The following SNCAIP variants were observed in gnomAD, a reference collection of about 807,000 sequenced individuals.
SNCAIP encodes synuclein alpha interacting protein, also known as synphilin-1.
A neutral mutation model predicts 86.7 loss-of-function variants in SNCAIP; 43 were observed. The observed-to-expected ratio is 0.50, with a 90% confidence interval of 0.39 to 0.64. The LOEUF is 0.64. SNCAIP is among the 30% of genes least tolerant of loss of function. The pLI is 0.00. For synonymous variants in SNCAIP, 417 were observed against 427.2 expected (o/e 0.98, Z 0.29); for missense variants, 981 against 1,103.1 (o/e 0.89, Z 1.57).
At chr5:122,398,340 G>A (rs887940012) in intron 2 of SNCAIP, among the ~76,000 whole-genome samples, 3 of 152,138 alleles carry the variant, frequency 2.0e-5, no homozygotes, top group African/African-American at 4.8e-5. Context: ...CAGTGGAGGA[G>A]CAGACTGTTA....
At chr5:122,366,913 C>T (rs1296429759) in intron 1 of SNCAIP, among the ~76,000 whole-genome samples, 2 of 152,080 alleles carry the variant, frequency 1.3e-5, no homozygotes, top group Non-Finnish European at 2.9e-5. Context: ...AATTTATTTG[C>T]CTTCGTCTTG....
chr5:122,433,230 C>T (rs1778761236), intron 6 of SNCAIP, among the ~76,000 whole-genome samples: 1 of 151,860 alleles, frequency 6.6e-6, no homozygotes, highest in Non-Finnish European at 1.5e-5. Context: ...AGGCACCACG[C>T]CATTGGATTT....
chr5:122,342,691 G>C (rs1361788331), intron 1 of SNCAIP, among the ~76,000 whole-genome samples: 1 of 152,166 alleles, frequency 6.6e-6, no homozygotes, highest in Non-Finnish European at 1.5e-5. Context: ...TTAAAGGCCC[G>C]AGTCTGGCTC....
intron 6 of SNCAIP, chr5:122,440,381 T>C (rs1406361941): frequency 4.2e-6 from 2 of 476,638 alleles, no homozygotes; most frequent in Admixed American, 3.3e-5. Context: ...ATCTATAGAA[T>C]AGATAAGTAA....
rs559571650 is a variant in SNCAIP, at chr5:122,363,940, A to C, written c.-46-27149A>C. 7.2e-5 allele frequency among the ~76,000 whole-genome samples: 11 copies of C among 152,154 alleles called. No individual in the cohort carries two copies. In the East Asian group the frequency reaches 1.9e-3, roughly 27 times the overall value. On this transcript the variant is annotated intron_variant, in intron 1 of 10. Transcript: ENST00000261368. ...TGGGTTCAAGCAATCCTCCTGCCTC[A>C]GCCTCCTAAGTAGCTGAGACTGCAG...
At chr5:122,397,585 G>A (rs1770891932) in intron 2 of SNCAIP, among the ~76,000 whole-genome samples, 3 of 152,106 alleles carry the variant, frequency 2.0e-5, no homozygotes, top group African/African-American at 7.2e-5. Context: ...TTTGAAAATA[G>A]GATTAGTTAT....
chr5:122,401,965 C>A (rs758971832), intron 2 of SNCAIP, among the ~76,000 whole-genome samples: 103 of 152,206 alleles, frequency 6.8e-4, no homozygotes, highest in Non-Finnish European at 1.2e-3. Flanking sequence ...GATAGCAGCT[C>A]ACCCATTTTA....
chr5:122,408,287 A>T (rs1347920485), intron 3 of SNCAIP, among the ~76,000 whole-genome samples: 1 of 152,186 alleles, frequency 6.6e-6, no homozygotes, highest in Non-Finnish European at 1.5e-5. Flanking sequence ...AGGGCCGTCC[A>T]TTCTGCCTGC....
chr5:122,314,001 C>A (rs1371090589), intron 1 of SNCAIP, among the ~76,000 whole-genome samples: 1 of 152,152 alleles, frequency 6.6e-6, no homozygotes. Context: ...AGAAAAGTTA[C>A]AGATAGTAGA....
intron 6 of SNCAIP, among the ~76,000 whole-genome samples, chr5:122,432,552 C>A (rs991326692): frequency 1.3e-5 from 2 of 151,924 alleles, no homozygotes. Context: ...ACAGTAAACA[C>A]ATTTAACATT....
At chr5:122,442,476 AGT>A (rs1045211889) in intron 7 of SNCAIP, among the ~76,000 whole-genome samples, 2 of 152,204 alleles carry the variant, frequency 1.3e-5, no homozygotes, top group African/African-American at 4.8e-5. Flanking sequence ...TTGTTGGCAA[AGT>A]GTGCATCTTC....
intron 1 of SNCAIP, among the ~76,000 whole-genome samples, chr5:122,340,132 GA>G (rs1460059989): frequency 1.3e-5 from 2 of 152,160 alleles, no homozygotes; most frequent in East Asian, 3.8e-4. Context: ...AACCGACTTA[GA>G]ATTGGAAACT....
At chr5:122,346,281 A>G (rs1758610145) in intron 1 of SNCAIP, among the ~76,000 whole-genome samples, 1 of 152,156 alleles carries the variant, frequency 6.6e-6, no homozygotes, top group South Asian at 2.1e-4. Context: ...AATTATGCTC[A>G]TGGAGACCCA....
intron 1 of SNCAIP, among the ~76,000 whole-genome samples, chr5:122,314,558 A>C (rs921197071): frequency 5.3e-5 from 8 of 152,206 alleles, no homozygotes; most frequent in African/African-American, 1.9e-4. Flanking sequence ...TGCTTCTGTG[A>C]AACTTTTACC....
chr5:122,460,489 C>T (rs995574255), intron 10 of SNCAIP, among the ~76,000 whole-genome samples: 1 of 152,096 alleles, frequency 6.6e-6, no homozygotes, highest in Non-Finnish European at 1.5e-5. Flanking sequence ...TCCAACACTG[C>T]ACCTGTTCTC....
At chr5:122,316,078 G>C (rs538795226) in intron 1 of SNCAIP, among the ~76,000 whole-genome samples, 2 of 152,274 alleles carry the variant, frequency 1.3e-5, no homozygotes, top group East Asian at 3.9e-4. Flanking sequence ...GAGATAAATT[G>C]AATGTCAAAG....
intron 1 of SNCAIP, among the ~76,000 whole-genome samples, chr5:122,343,691 C>T (rs1758039818): frequency 1.3e-5 from 2 of 152,156 alleles, no homozygotes; most frequent in African/African-American, 2.4e-5. Flanking sequence ...CCCTTTGGAT[C>T]GGGTTGTTTG....
chr5:122,360,087 T>A (rs1761910076), intron 1 of SNCAIP, among the ~76,000 whole-genome samples: 1 of 152,194 alleles, frequency 6.6e-6, no homozygotes, highest in Non-Finnish European at 1.5e-5. Flanking sequence ...AAAACCTTGT[T>A]CCAGGGAGCA....
chr5:122,407,705 T>G (rs1015279381), intron 3 of SNCAIP, among the ~76,000 whole-genome samples: 2 of 152,174 alleles, frequency 1.3e-5, no homozygotes, highest in African/African-American at 4.8e-5. Flanking sequence ...TTTTTGCAAC[T>G]ATTGTATACA....
Sources: allele counts gnomAD v4.1 joint callset (sites outside exome capture counted in the v4.1 genomes callset), GRCh38; gene constraint gnomAD v4.1.1; transcripts MANE v1.5; gene names NCBI Gene and HGNC (gene_info 2026-07-23, HGNC 2026-07-21).